Variants in RMDN2 observed in about 807,000 individuals in gnomAD.
The protein encoded by RMDN2 is regulator of microtubule dynamics 2, also known as regulator of microtubule dynamics protein 2.
RMDN2 carries 61 observed loss-of-function variants against 52.8 expected under a neutral mutation model. The observed-to-expected ratio is 1.16, with a 90% CI of 0.94 to 1.43. RMDN2 has a LOEUF of 1.43. Among genes scored for constraint, RMDN2 ranks in the 40% most tolerant of loss-of-function variants. The pLI, the probability that RMDN2 is intolerant of heterozygous loss-of-function variation, is 0.00. For missense variants in RMDN2, 592 were observed against 475.3 expected (o/e 1.25, Z -2.28); for synonymous variants, 180 against 153.1 (o/e 1.18, Z -1.30).
At chr2:37,979,713 T>C (rs1472852877) in intron 4 of RMDN2, among the ~76,000 whole-genome samples, 1 of 152,232 alleles carries the variant, frequency 6.6e-6, no homozygotes, top group Non-Finnish European at 1.5e-5. Flanking sequence ...TTATTCTGAC[T>C]GCATAAGTGA....
intron 10 of RMDN2, among the ~76,000 whole-genome samples, chr2:38,047,400 A>C (rs1681337269): frequency 1.3e-5 from 2 of 152,270 alleles, no homozygotes; most frequent in Non-Finnish European, 2.9e-5. Context: ...TTAAAAAAGT[A>C]GTATATCCAT....
intron 2 of RMDN2, among the ~76,000 whole-genome samples, chr2:37,943,072 G>T (rs1197812665): frequency 2.6e-5 from 4 of 152,192 alleles, no homozygotes; most frequent in Non-Finnish European, 5.9e-5. Context: ...CCCATGAAAG[G>T]AACTGCTAAA....
chr2:38,046,503 A>G (rs1681279159), intron 10 of RMDN2, among the ~76,000 whole-genome samples: 2 of 152,212 alleles, frequency 1.3e-5, no homozygotes. Context: ...TTAGATATCT[A>G]TGAGGCTCAA....
chr2:38,011,562 C>G (rs868212473), intron 10 of RMDN2, among the ~76,000 whole-genome samples: 1 of 152,094 alleles, frequency 6.6e-6, no homozygotes, highest in South Asian at 2.1e-4. Flanking sequence ...ACAAATAAGA[C>G]ACACCTGTTG....
intron 2 of RMDN2, chr2:37,951,920 T>TGTTG: frequency 6.2e-7 from 1 of 1,613,464 alleles, no homozygotes; most frequent in Admixed American, 1.7e-5. Flanking sequence ...CCAATGATAT[T>TGTTG]CAACAAAGGG....
chr2:38,018,548 A>G (rs1484046339), downstream of RMDN2, among the ~76,000 whole-genome samples: 1 of 152,220 alleles, frequency 6.6e-6, no homozygotes, highest in East Asian at 1.9e-4. Context: ...GACATTAAAA[A>G]TAATTACAAA....
intron 10 of RMDN2, among the ~76,000 whole-genome samples, chr2:38,063,986 ATGTG>A (rs111636719): frequency 0.042 from 6,393 of 151,854 alleles, 501 homozygotes; most frequent in African/African-American, 0.15. Context: ...GTGTGTGTGT[ATGTG>A]TGTGTGTGTA....
intron 7 of RMDN2, among the ~76,000 whole-genome samples, chr2:37,995,994 A>T (rs926123177): frequency 6.6e-6 from 1 of 152,168 alleles, no homozygotes; most frequent in Non-Finnish European, 1.5e-5. Flanking sequence ...CTTGGGAACC[A>T]TTGATTAGCA....
chr2:37,970,642 C>T lies in RMDN2; in HGVS notation c.453-3398C>T, dbSNP rs138063782. On this transcript the variant is annotated intron_variant, in intron 2 of 10. Transcript: ENST00000354545. ...ATATATGGCAGATTTCACAATAAAA[C>T]TATTCTATGTGTGCATGGGAGAGAC... is the stretch of plus-strand genomic sequence containing the variant. Among the ~76,000 whole-genome samples the T allele has an allele frequency of 6.7e-3, 1,026 of 152,164 alleles. 7 individuals are homozygous for T. The highest frequency in any genetic ancestry group is 0.023 in the African/African-American group (970 of 41,530).
At position 37,997,669 on chromosome 2, in the gene RMDN2, A is replaced by G; in HGVS notation, c.1044+155A>G. The G allele has an allele frequency of 5.0e-6, 3 of 605,244 alleles. No homozygotes were observed. The South Asian group carries it at 6.0e-5, about 12-fold the overall frequency. The allele number at this position is 605,244 out of a possible 1,614,324, so 37.5% of individuals were successfully genotyped here. A position where few individuals can be genotyped will look rare whatever the true frequency, so the allele number is the denominator to read the frequency against. On this transcript the variant is annotated intron_variant, in intron 8 of 10. Coordinates refer to ENST00000354545, the MANE Select transcript of RMDN2 (RefSeq NM_001170791.3). ...TTTTAAGCCCCTCATAATGCAAGTT[A>G]TTAATATGTTTTAAGTCTAAACTCC...
chr2:38,053,540 C>T (rs1313285861), intron 10 of RMDN2, among the ~76,000 whole-genome samples: 1 of 152,106 alleles, frequency 6.6e-6, no homozygotes, highest in African/African-American at 2.4e-5. Flanking sequence ...TCATCTAGTC[C>T]ACAAAACGGT....
At chr2:37,944,170 C>T (rs1285299842) in intron 2 of RMDN2, among the ~76,000 whole-genome samples, 1 of 152,040 alleles carries the variant, frequency 6.6e-6, no homozygotes, top group Non-Finnish European at 1.5e-5. Context: ...TTTTCATAAC[C>T]TGGAGATGAG....
At chr2:38,030,384 T>G (rs907563601) in intron 10 of RMDN2, 1 of 152,208 alleles carries the variant, frequency 6.6e-6, no homozygotes, top group Non-Finnish European at 1.5e-5. Flanking sequence ...GTTCCCAGGC[T>G]GTTTTTTTAA....
At chr2:38,002,260 A>G (rs1676417830) in intron 8 of RMDN2, among the ~76,000 whole-genome samples, 1 of 152,232 alleles carries the variant, frequency 6.6e-6, no homozygotes, top group South Asian at 2.1e-4. Flanking sequence ...AACTTCTGGG[A>G]ATCTCCCTTA....
intron 5 of RMDN2, among the ~76,000 whole-genome samples, chr2:37,986,041 T>C (rs1005644608): frequency 6.6e-6 from 1 of 152,188 alleles, no homozygotes; most frequent in Admixed American, 6.5e-5. Context: ...AGAATTTTTT[T>C]GTAAATTCAA....
In RMDN2 at chr2:38,060,376, C is replaced by T. The variant is rs545493242; in HGVS notation, c.1714-6606C>T. 1.5e-3 allele frequency among the ~76,000 whole-genome samples: 231 copies of T among 152,282 alleles called. 1 individual carries two copies. The highest frequency in any genetic ancestry group is 2.4e-3 in the Non-Finnish European group (166 of 68,034). ...CATTCCTGGAAACCACATTGGAAAA[C>T]ACACAGTGAAAAGTTAACCTTATTC... is the stretch of plus-strand genomic sequence containing the variant. On this transcript the variant is annotated intron_variant, in intron 10 of 10. Transcript: ENST00000234195.
intron 2 of RMDN2, among the ~76,000 whole-genome samples, chr2:37,969,619 A>G (rs1159684599): frequency 6.6e-6 from 1 of 151,924 alleles, no homozygotes. Flanking sequence ...AATAATCTTC[A>G]AAAAATAAGA....
intron 7 of RMDN2, among the ~76,000 whole-genome samples, chr2:37,994,819 A>G (rs1428609507): frequency 1.3e-5 from 2 of 152,234 alleles, no homozygotes; most frequent in South Asian, 4.1e-4. Flanking sequence ...ATGCTCACAC[A>G]AAGACTAGCA....
At chr2:38,005,161 G>A (rs879642935) in intron 10 of RMDN2, among the ~76,000 whole-genome samples, 7 of 152,272 alleles carry the variant, frequency 4.6e-5, no homozygotes, top group Admixed American at 1.3e-4. Flanking sequence ...ATAAACATAC[G>A]TGTGCATGTG....
Sources: allele counts gnomAD v4.1 joint callset (sites outside exome capture counted in the v4.1 genomes callset), GRCh38; gene constraint gnomAD v4.1.1; transcripts MANE v1.5; gene names NCBI Gene and HGNC (gene_info 2026-07-23, HGNC 2026-07-21).